ZFR: variants seen among roughly 807,000 people sequenced by gnomAD.
ZFR encodes zinc finger RNA-binding protein.
In ZFR, 19 loss-of-function variants were observed where a neutral mutation model predicts 130.7. The observed-to-expected ratio is 0.15, with a 90% CI of 0.10 to 0.21. The LOEUF (loss-of-function observed/expected upper bound fraction) is 0.21. ZFR is among the 10% of genes least tolerant of loss of function. The probability of loss-of-function intolerance (pLI) is 1.00; values close to 1 mark genes in which losing one functional copy is unlikely to be tolerated. For missense variants in ZFR, 872 were observed against 1,321.5 expected, an observed-to-expected ratio of 0.66 and a Z score of 5.27; for synonymous variants, 466 against 456.9, an observed-to-expected ratio of 1.02 and a Z score of -0.25.
intron 5 of ZFR, among the ~76,000 whole-genome samples, chr5:32,408,666 A>T (rs1401570370): frequency 6.6e-6 from 1 of 152,336 alleles, no homozygotes; most frequent in East Asian, 1.9e-4. Context: ...CACATTCGTA[A>T]GTAATAGAGG....
At position 32,388,480 on chromosome 5, in the gene ZFR, T is replaced by G. The variant is rs781339918; in HGVS notation, c.2337A>C (p.Gly779=). Residue 779 remains glycine, a synonymous_variant, in exon 13 of 20, where the codon GGA becomes GGC. Coordinates refer to ENST00000265069, the MANE Select transcript of ZFR (RefSeq NM_016107.5). The part of the protein sequence containing the change: ...KNKEGDDKKE[G]GKDRALKGVL... ...CTTTCAAAACACACCTGTCTTTACC[T>G]CCCTCTTTCTTATCATCTCCCTCTT... is the stretch of plus-strand genomic sequence containing the variant. The G allele has an allele frequency of 6.2e-7, 1 of 1,613,798 alleles. No individual in the cohort carries two copies. Among genetic ancestry groups the G allele is most frequent in the Non-Finnish European group, 8.5e-7 (1 of 1,179,802 alleles).
intron 10 of ZFR, 57 bp downstream of exon 10, chr5:32,397,162 G>T: frequency 1.9e-6 from 3 of 1,546,596 alleles, no homozygotes; most frequent in Non-Finnish European, 1.7e-6. Flanking sequence ...GAATGCTCTG[G>T]GTGTTTTTGT....
At chr5:32,391,355 TGCACA>T (rs1753170590) in intron 11 of ZFR, among the ~76,000 whole-genome samples, 1 of 152,206 alleles carries the variant, frequency 6.6e-6, no homozygotes, top group African/African-American at 2.4e-5. Context: ...GAGGGACTAC[TGCACA>T]GGCTGTGTTG....
At position 32,419,912 on chromosome 5, in the gene ZFR, G is replaced by C; in HGVS notation, c.329C>G (p.Pro110Arg). 6.2e-7 allele frequency: 1 copy of C among 1,613,956 alleles called. No individual in the cohort carries two copies. The highest frequency in any genetic ancestry group is 2.2e-5 in the East Asian group (1 of 44,882). The change falls in exon 3 of 20, where the codon CCC becomes CGC. Residue 110 changes from proline (P) to arginine (R), a missense_variant. Physicochemically the swap from Pro to Arg is moderately radical, Grantham distance 103. This residue lies in a region of ZFR where 240 missense variants were observed against 441.2 expected (regional missense o/e 0.54). Coordinates refer to ENST00000265069, the MANE Select transcript of ZFR (RefSeq NM_016107.5). ...ATAGTCAGTTGCTGTGTGTGCAGTGGGGTAGCCTCCATAAGCAGCAGCTGT... is the reference window on the plus strand; with the variant it reads ...ATAGTCAGTTGCTGTGTGTGCAGTGCGGTAGCCTCCATAAGCAGCAGCTGT... ...AATAAAYGGY[P>R]TAHTATDYGY...
intron 2 of ZFR, among the ~76,000 whole-genome samples, chr5:32,435,590 T>C (rs1489022461): frequency 6.6e-6 from 1 of 152,212 alleles, no homozygotes; most frequent in African/African-American, 2.4e-5. Context: ...GCCACTTTCA[T>C]AAATCACAGC....
intron 6 of ZFR, among the ~76,000 whole-genome samples, chr5:32,406,419 G>C (rs1753580905): frequency 6.6e-6 from 1 of 151,692 alleles, no homozygotes; most frequent in East Asian, 1.9e-4. Context: ...TTGAATAAAG[G>C]CTTTGGCAAG....
chr5:32,397,328 T>C lies in ZFR; in HGVS notation c.1724A>G (p.Asp575Gly). 1 of 1,612,610 alleles carries C rather than the reference T, an allele frequency of 6.2e-7. No homozygotes were observed. The highest frequency in any genetic ancestry group is 8.5e-7 in the Non-Finnish European group (1 of 1,179,486). ...GHDYVEEVRN[D>G]EGKVIRFHCK... ...ATGGAACCGAATTACTTTTCCTTCA[T>C]CATTTCGTACCTTGGTGTGGAAAAA... Residue 575 changes from aspartate to glycine, a missense_variant, in exon 10 of 20, where the codon GAT (aspartate) becomes GGT (glycine). By Grantham distance (94) the Asp-to-Gly change is moderately conservative. Around this residue, in one of 7 missense-constraint regions of ZFR, gnomAD observed 54 missense variants for 119.9 expected, o/e 0.45. Coordinates refer to ENST00000265069, the MANE Select transcript of ZFR (RefSeq NM_016107.5).
chr5:32,372,177 C>T (rs1475096672), intron 17 of ZFR, among the ~76,000 whole-genome samples: 1 of 152,146 alleles, frequency 6.6e-6, no homozygotes, highest in Non-Finnish European at 1.5e-5. Context: ...AGCAATCCTC[C>T]AATCATATCT....
rs1291059814 is a variant in ZFR, at chr5:32,404,021, C to G, written c.1109G>C (p.Ser370Thr). 6.2e-7 allele frequency: 1 copy of G among 1,614,094 alleles called. No individual in the cohort carries two copies. The highest frequency in any genetic ancestry group is 1.7e-5 in the Admixed American group (1 of 60,004). Residue 370 changes from serine to threonine, a missense_variant, in exon 7 of 20, where the codon AGC becomes ACC. Around this residue, in one of 7 missense-constraint regions of ZFR, gnomAD observed 31 missense variants for 21.8 expected, o/e 1.42. Transcript: ENST00000265069. ...AALKASQNTSSSNSSTRGTQN... is the reference protein window; with the variant it reads ...AALKASQNTSTSNSSTRGTQN... ...AGTCCCACGAGTAGAACTGTTGCTGCTGCTGGTATTTTGTGAGGCTTTCAA... is the reference window on the plus strand; with the variant it reads ...AGTCCCACGAGTAGAACTGTTGCTGGTGCTGGTATTTTGTGAGGCTTTCAA...
chr5:32,424,368 A>C (rs995691344), intron 2 of ZFR, among the ~76,000 whole-genome samples: 29 of 152,102 alleles, frequency 1.9e-4, no homozygotes, highest in Admixed American at 8.5e-4. Flanking sequence ...CGTCTCTATT[A>C]AAAATACAAA....
chr5:32,428,566 ACT>A (rs1041161153), intron 2 of ZFR, among the ~76,000 whole-genome samples: 3 of 152,316 alleles, frequency 2.0e-5, no homozygotes, highest in African/African-American at 7.2e-5. Flanking sequence ...GAAGAGGAAG[ACT>A]CTGTCTAAAA....
intron 11 of ZFR, among the ~76,000 whole-genome samples, chr5:32,394,156 A>C (rs557235746): frequency 6.6e-6 from 1 of 152,352 alleles, no homozygotes; most frequent in East Asian, 1.9e-4. Context: ...TTATACAAAA[A>C]TATTCACAGC....
In ZFR at chr5:32,444,692, T is replaced by C. The variant is rs576431828; in HGVS notation, c.-34A>G. On this transcript the variant is annotated 5_prime_UTR_variant, in exon 1 of 20. Coordinates refer to ENST00000265069, the MANE Select transcript of ZFR (RefSeq NM_016107.5). ...GCTGCTGCTGCTGAACTCTGAACTCTCACCCGCTGCCTCCCTCCTCTGCCC... is the reference window on the plus strand; with the variant it reads ...GCTGCTGCTGCTGAACTCTGAACTCCCACCCGCTGCCTCCCTCCTCTGCCC... The C allele has an allele frequency of 4.2e-5, 63 of 1,503,212 alleles. No individual in the cohort carries two copies. The highest frequency in any genetic ancestry group is 3.8e-4 in the East Asian group (13 of 34,658). 93.1% of individuals were successfully genotyped at this position (1,503,212 alleles called of 1,614,324 possible). A position where few individuals can be genotyped will look rare whatever the true frequency, so the allele number is the denominator to read the frequency against.
intron 5 of ZFR, among the ~76,000 whole-genome samples, chr5:32,414,053 G>T (rs546794242): frequency 6.6e-6 from 1 of 152,192 alleles, no homozygotes; most frequent in East Asian, 1.9e-4. Context: ...TATAGCCTCT[G>T]CAGCTCCCTT....
Position 32,444,696 on chromosome 5 carries a change from C to A in ZFR, c.-38G>T. 6.7e-7 allele frequency: 1 copy of A among 1,502,298 alleles called. No individual in the cohort carries two copies. The highest frequency in any genetic ancestry group is 1.5e-5 in the African/African-American group (1 of 68,908). The allele number at this position is 1,502,298 out of a possible 1,614,324, so 93.1% of individuals were successfully genotyped here. ...CTGCTGCTGAACTCTGAACTCTCAC[C>A]CGCTGCCTCCCTCCTCTGCCCCGCT... is the stretch of plus-strand genomic sequence containing the variant. On this transcript the variant is annotated 5_prime_UTR_variant, in exon 1 of 20. Coordinates refer to ENST00000265069, the MANE Select transcript of ZFR (RefSeq NM_016107.5).
At chr5:32,429,908 A>C (rs1754164496) in intron 2 of ZFR, among the ~76,000 whole-genome samples, 1 of 151,960 alleles carries the variant, frequency 6.6e-6, no homozygotes, top group East Asian at 1.9e-4. Context: ...GCCTTTAAAA[A>C]AAAATTTTTT....
intron 2 of ZFR, among the ~76,000 whole-genome samples, chr5:32,438,277 T>TTTTTTTTC (rs1754387193): frequency 3.1e-5 from 4 of 129,300 alleles, no homozygotes; most frequent in Non-Finnish European, 1.7e-5. Context: ...TTTTTTTTTT[T>TTTTTTTTC]TTTGAGACGG....
chr5:32,364,507 G>C (rs1351091181), intron 17 of ZFR: 3 of 223,586 alleles, frequency 1.3e-5, no homozygotes, highest in Non-Finnish European at 2.6e-5. Flanking sequence ...CAGATTGCCT[G>C]AGTTCAGGGG....
At chr5:32,401,630 T>C (rs1753450064) in intron 8 of ZFR, among the ~76,000 whole-genome samples, 2 of 152,106 alleles carry the variant, frequency 1.3e-5, no homozygotes. Flanking sequence ...AAGGTAGGCA[T>C]GGGTCAGGTA....
Sources: allele counts gnomAD v4.1 joint callset (sites outside exome capture counted in the v4.1 genomes callset), GRCh38; gene constraint gnomAD v4.1.1; regional missense constraint gnomAD v4.1.1; transcripts MANE v1.5; gene names NCBI Gene and HGNC (gene_info 2026-07-23, HGNC 2026-07-21).